Variants in CDK14 observed in about 807,000 individuals in gnomAD.
CDK14 encodes cyclin-dependent kinase 14.
A neutral mutation model predicts 60.7 loss-of-function variants in CDK14; 34 were observed. The observed-to-expected ratio is 0.56, with a 90% CI of 0.43 to 0.75. CDK14 has a LOEUF of 0.75. Among genes scored for constraint, CDK14 ranks in the 30% least tolerant of loss-of-function variants. The pLI, the probability that CDK14 is intolerant of heterozygous loss-of-function variation, is 0.00. For synonymous variants in CDK14, 197 were observed against 203.7 expected, an observed-to-expected ratio of 0.97 and a Z score of 0.28; for missense variants, 482 against 564.1, an observed-to-expected ratio of 0.85 and a Z score of 1.47.
chr7:91,024,150 GATA>G (rs753310060), intron 10 of CDK14, among the ~76,000 whole-genome samples: 10 of 147,244 alleles, frequency 6.8e-5, no homozygotes, highest in Non-Finnish European at 1.2e-4. Context: ...TGATGATGAT[GATA>G]ATGATGTCAG....
chr7:91,206,843 G>A (rs1227773358), intron 14 of CDK14, among the ~76,000 whole-genome samples: 1 of 152,152 alleles, frequency 6.6e-6, no homozygotes, highest in African/African-American at 2.4e-5. Context: ...ATTAAGACCA[G>A]TATTGCTACT....
intron 2 of CDK14, among the ~76,000 whole-genome samples, chr7:90,676,406 C>A (rs149594550): frequency 6.6e-5 from 10 of 152,046 alleles, no homozygotes; most frequent in South Asian, 2.1e-4. Context: ...AATGCAAAGA[C>A]CCTGGTGCAC....
chr7:91,192,538 G>A (rs1802397675), intron 14 of CDK14, among the ~76,000 whole-genome samples: 1 of 152,048 alleles, frequency 6.6e-6, no homozygotes, highest in South Asian at 2.1e-4. Context: ...GGGAACTTAT[G>A]GGTGGCCACA....
At chr7:90,671,385 A>G (rs1328264203) in intron 2 of CDK14, among the ~76,000 whole-genome samples, 1 of 152,046 alleles carries the variant, frequency 6.6e-6, no homozygotes, top group Non-Finnish European at 1.5e-5. Context: ...TGTAGCTTGA[A>G]TAAGGTTATC....
At chr7:91,081,468 A>T (rs886078916) in intron 12 of CDK14, among the ~76,000 whole-genome samples, 1 of 152,204 alleles carries the variant, frequency 6.6e-6, no homozygotes, top group African/African-American at 2.4e-5. Context: ...AACTAATTTG[A>T]ATTCAGTTTA....
At chr7:90,813,818 CAA>C (rs375268597) in intron 5 of CDK14, among the ~76,000 whole-genome samples, 12 of 151,896 alleles carry the variant, frequency 7.9e-5, no homozygotes, top group African/African-American at 2.9e-4. Flanking sequence ...GTAAAACAAA[CAA>C]ATCTGAGTTA....
At chr7:90,875,789 A>G (rs182156447) in intron 6 of CDK14, among the ~76,000 whole-genome samples, 12 of 152,052 alleles carry the variant, frequency 7.9e-5, no homozygotes, top group Admixed American at 6.5e-4. Flanking sequence ...CTTTAGCTCA[A>G]CATTAATGAT....
intron 14 of CDK14, among the ~76,000 whole-genome samples, chr7:91,159,723 C>G (rs1801108159): frequency 6.6e-6 from 1 of 152,098 alleles, no homozygotes; most frequent in Admixed American, 6.5e-5. Flanking sequence ...GCATGACAAC[C>G]AAGAGTCCGC....
intron 14 of CDK14, among the ~76,000 whole-genome samples, chr7:91,190,522 C>T (rs1000267340): frequency 2.0e-5 from 3 of 152,176 alleles, no homozygotes; most frequent in Non-Finnish European, 4.4e-5. Context: ...CGGAGTTTCA[C>T]TCTATCACCC....
At chr7:90,801,785 A>G (rs771530860) in intron 5 of CDK14, among the ~76,000 whole-genome samples, 7 of 152,172 alleles carry the variant, frequency 4.6e-5, no homozygotes, top group African/African-American at 1.2e-4. Context: ...TTATCCAAAT[A>G]TATAGTTTTG....
At chr7:90,749,381 T>C (rs551678712) in intron 4 of CDK14, among the ~76,000 whole-genome samples, 1 of 152,086 alleles carries the variant, frequency 6.6e-6, no homozygotes, top group South Asian at 2.1e-4. Context: ...GCCCCACCCT[T>C]CCTTTGCAGA....
At position 90,837,715 on chromosome 7, in the gene CDK14, A is replaced by G. The variant is rs1790156939; in HGVS notation, c.545-25460A>G. The stretch of plus-strand genomic sequence containing the variant: ...CCTGTTCTTCTTTGCTTTTTTTACT[A>G]CTGGATTCTGCCTTCTTGACTCTGA... On this transcript the variant is annotated intron_variant, in intron 5 of 14. Coordinates refer to ENST00000380050, the MANE Select transcript of CDK14 (RefSeq NM_001287135.2). Among the ~76,000 whole-genome samples, 6 of 152,028 alleles carry G rather than the reference A, an allele frequency of 3.9e-5. No homozygotes were observed. In the South Asian group the frequency reaches 1.2e-3, roughly 32 times the overall value.
At chr7:91,133,722 TAG>T (rs1800182358) in intron 14 of CDK14, among the ~76,000 whole-genome samples, 1 of 151,404 alleles carries the variant, frequency 6.6e-6, no homozygotes, top group Non-Finnish European at 1.5e-5. Context: ...TTAAGAAAGT[TAG>T]TTAATTTACA....
intron 3 of CDK14, among the ~76,000 whole-genome samples, chr7:90,737,007 A>G (rs1314939582): frequency 6.6e-6 from 1 of 152,196 alleles, no homozygotes; most frequent in African/African-American, 2.4e-5. Flanking sequence ...TTATAGTGGT[A>G]TATTTTAAGA....
chr7:91,203,674 GCAGGCTTC>G (rs1802795904), intron 14 of CDK14, among the ~76,000 whole-genome samples: 1 of 152,204 alleles, frequency 6.6e-6, no homozygotes, highest in African/African-American at 2.4e-5. Flanking sequence ...GCTGGAGTGG[GCAGGCTTC>G]CAGGAAGAGC....
chr7:90,852,504 A>G (rs1790678956), intron 5 of CDK14, among the ~76,000 whole-genome samples: 1 of 46,784 alleles, frequency 2.1e-5, no homozygotes, highest in African/African-American at 9.2e-5. Context: ...AAAGTTAAAC[A>G]GTTAAAAATG....
intron 5 of CDK14, among the ~76,000 whole-genome samples, chr7:90,814,071 A>G (rs1178118865): frequency 6.6e-6 from 1 of 152,196 alleles, no homozygotes; most frequent in Non-Finnish European, 1.5e-5. Context: ...TTTTATTATC[A>G]GAAATAAAAC....
chr7:90,967,810 A>G (rs1794800515), intron 9 of CDK14, among the ~76,000 whole-genome samples: 1 of 152,242 alleles, frequency 6.6e-6, no homozygotes, highest in Non-Finnish European at 1.5e-5. Context: ...TGTTTAGGCA[A>G]TAGAAAATTT....
Position 90,865,417 on chromosome 7 carries a change from A to G in CDK14, c.639+2148A>G, listed in dbSNP as rs976686711. Among the ~76,000 whole-genome samples, 5 of 152,254 alleles carry G rather than the reference A, an allele frequency of 3.3e-5. No homozygotes were observed. In the South Asian group the frequency reaches 1.0e-3, roughly 32 times the overall value. On this transcript the variant is annotated intron_variant, in intron 6 of 14. Transcript: ENST00000380050. ...GTTTCCAATTGCTTGTTCTTTGTAAATATTTGGATATCTCAAGAAAAATTA... is the reference window on the plus strand; with the variant it reads ...GTTTCCAATTGCTTGTTCTTTGTAAGTATTTGGATATCTCAAGAAAAATTA...
Sources: gnomAD v4.1 joint callset for allele counts (sites outside exome capture counted in the v4.1 genomes callset) on GRCh38, gnomAD v4.1.1 for gene constraint, MANE v1.5 for transcripts, NCBI Gene and HGNC (gene_info 2026-07-23, HGNC 2026-07-21) for gene names.